The following HMOX2 variants were observed in gnomAD, a reference collection of about 807,000 sequenced individuals.
HMOX2 encodes the protein heme oxygenase (decycling) 2.
In HMOX2, 30 loss-of-function variants were observed where a neutral mutation model predicts 33.7. The observed-to-expected ratio is 0.89, with a 90% CI of 0.67 to 1.21. The LOEUF is 1.21. Among genes scored for constraint, HMOX2 ranks in the 50% most tolerant of loss-of-function variants. HMOX2 has a pLI of 0.00. For synonymous variants in HMOX2, 155 were observed against 155.0 expected (o/e 1.00, Z 0.00); for missense variants, 403 against 399.1 (o/e 1.01, Z -0.08).
chr16:4,498,874 A>G (rs1333975189), intron 1 of HMOX2, among the ~76,000 whole-genome samples: 1 of 152,134 alleles, frequency 6.6e-6, no homozygotes, highest in Non-Finnish European at 1.5e-5. Flanking sequence ...TGGCTTCTTC[A>G]GGGTGTTGAG....
chr16:4,506,796 TG>T, intron 2 of HMOX2, 98 bp from the exon 3 acceptor site: 1 of 804,258 alleles, frequency 1.2e-6, no homozygotes, highest in Non-Finnish European at 2.2e-6. Context: ...GTACAACAGG[TG>T]GTCACCTTGG....
chr16:4,493,693 T>G (rs974392838), intron 1 of HMOX2, among the ~76,000 whole-genome samples: 8 of 152,324 alleles, frequency 5.3e-5, no homozygotes, highest in Non-Finnish European at 1.2e-4. Context: ...GTGCCTACTA[T>G]GGCTCAGGCT....
intron 1 of HMOX2, among the ~76,000 whole-genome samples, chr16:4,490,813 A>T (rs1283966051): frequency 6.6e-6 from 1 of 151,980 alleles, no homozygotes; most frequent in Non-Finnish European, 1.5e-5. Flanking sequence ...GGGGTATTAG[A>T]CTCATGTCCT....
chr16:4,506,757 G>C lies in HMOX2; in HGVS notation c.87-138G>C, dbSNP rs17878340. ...ACAAGTTGCTGCTATTTGTGTTGGAGTGAAGTGTCTGAGAAGCCCCAGCCT... is the reference window on the plus strand; with the variant it reads ...ACAAGTTGCTGCTATTTGTGTTGGACTGAAGTGTCTGAGAAGCCCCAGCCT... On this transcript the variant is annotated intron_variant, in intron 2 of 5. Coordinates refer to ENST00000570646, the MANE Select transcript of HMOX2 (RefSeq NM_002134.4). The C allele has an allele frequency of 8.7e-5, 59 of 674,598 alleles. No individual in the cohort carries two copies. In the African/African-American group the frequency reaches 9.8e-4, roughly 11 times the overall value. 41.8% of individuals were successfully genotyped at this position (674,598 alleles called of 1,614,324 possible). A position where few individuals can be genotyped will look rare whatever the true frequency, so the allele number is the denominator to read the frequency against.
rs140785119 is a variant in HMOX2 at position 4,507,002 on chromosome 16, A to G, written c.194A>G (p.Glu65Gly). ...TTCTTGAAAGGCAACATTAAGAAGG[A>G]GCTGTTTAAGGTTTGTGCCCCGCAT... ...KDFLKGNIKK[E>G]LFKLATTALY... is the part of the protein sequence containing the mutation. The change falls in exon 3 of 6, where the codon GAG (glutamate) becomes GGG (glycine). Residue 65 changes from glutamate to glycine, a missense_variant. Physicochemically the swap from Glu to Gly is moderately conservative, Grantham distance 98 (BLOSUM62 -2). Coordinates refer to ENST00000570646, the MANE Select transcript of HMOX2 (RefSeq NM_002134.4). 613 of 1,605,146 alleles carry G rather than the reference A, an allele frequency of 3.8e-4. No homozygotes were observed. The highest frequency in any genetic ancestry group is 5.2e-4 in the Non-Finnish European group (605 of 1,172,030).
At chr16:4,476,821 T>C (rs1237683240) in intron 1 of HMOX2, among the ~76,000 whole-genome samples, 1 of 152,158 alleles carries the variant, frequency 6.6e-6, no homozygotes, top group Admixed American at 6.5e-5. Flanking sequence ...TCTCCCAGCG[T>C]CACGGCTATG....
chr16:4,477,654 C>T (rs1235294260), intron 1 of HMOX2, among the ~76,000 whole-genome samples: 1 of 151,880 alleles, frequency 6.6e-6, no homozygotes, highest in Non-Finnish European at 1.5e-5. Flanking sequence ...TGCAGTGGCT[C>T]ACTCCTGTAA....
upstream of HMOX2, chr16:4,475,958 GT>G (rs1264054247): frequency 6.6e-6 from 1 of 152,196 alleles, no homozygotes; most frequent in African/African-American, 2.4e-5. Flanking sequence ...AAATCATTCT[GT>G]CATTCTGGCC....
In HMOX2 at chr16:4,490,695, T is replaced by G. The variant is rs2058283340; in HGVS notation, c.-42+14208T>G. 2.0e-5 allele frequency among the ~76,000 whole-genome samples: 3 copies of G among 152,186 alleles called. No individual in the cohort carries two copies. In the South Asian group the frequency reaches 6.2e-4, roughly 32 times the overall value. On this transcript the variant is annotated intron_variant, in intron 1 of 5. Transcript: ENST00000570646. ...GCAGTGCCAAGCTGCCTCTAATAGC[T>G]TCTTCTGTTTTTTTGGTGGAAATTC...
At chr16:4,491,384 C>T (rs973031953) in intron 1 of HMOX2, among the ~76,000 whole-genome samples, 5 of 152,066 alleles carry the variant, frequency 3.3e-5, no homozygotes, top group Admixed American at 6.6e-5. Flanking sequence ...GCACTATGGC[C>T]CACTCCTGTA....
At chr16:4,479,734 T>C in intron 1 of HMOX2, among the ~76,000 whole-genome samples, 1 of 23,696 alleles carries the variant, frequency 4.2e-5, no homozygotes, top group East Asian at 1.6e-3. Context: ...CTATTTTTTT[T>C]TTTTTTTTTT....
chr16:4,501,758 G>GA (rs1192187002), intron 1 of HMOX2, among the ~76,000 whole-genome samples: 13 of 151,476 alleles, frequency 8.6e-5, no homozygotes, highest in African/African-American at 3.2e-4. Context: ...TTCAGAAAGT[G>GA]AAAAAAAATT....
In HMOX2 at chr16:4,476,428, G is replaced by A. The variant is rs563023765; in HGVS notation, c.-101G>A. The A allele has an allele frequency of 1.3e-5, 2 of 152,390 alleles. No individual in the cohort carries two copies. Among genetic ancestry groups the A allele is most frequent in the African/African-American group, 4.8e-5 (2 of 41,592 alleles). The allele number at this position is 152,390 out of a possible 1,614,324, so 9.4% of individuals were successfully genotyped here. A position where few individuals can be genotyped will look rare whatever the true frequency, so the allele number is the denominator to read the frequency against. ...GCTGCAGGGACTGCGGCGCCTGAGG[G>A]AGTCGCTGACGGGCACGCTGACTGG... On this transcript the variant is annotated 5_prime_UTR_variant, in exon 1 of 6. Coordinates refer to ENST00000570646, the MANE Select transcript of HMOX2 (RefSeq NM_002134.4).
Position 4,499,309 on chromosome 16 carries a change from TG to T in HMOX2, c.-41-6173del, listed in dbSNP as rs775279745. Among the ~76,000 whole-genome samples, 3 of 152,248 alleles carry T rather than the reference TG, an allele frequency of 2.0e-5. No homozygotes were observed. In the East Asian group the frequency reaches 5.8e-4, roughly 29 times the overall value. ...TTTAAAAGCTGGTATTTATGCACGA[TG>T]GAATACTACTCAACCATAAACAAGA... On this transcript the variant is annotated intron_variant, in intron 1 of 5. Coordinates refer to ENST00000570646, the MANE Select transcript of HMOX2 (RefSeq NM_002134.4).
intron 4 of HMOX2, 84 bp from the exon 5 acceptor site, chr16:4,509,328 A>C: frequency 3.9e-5 from 55 of 1,413,384 alleles, no homozygotes; most frequent in Non-Finnish European, 4.8e-5. Flanking sequence ...TGGGCAACAG[A>C]GACCTCATCT....
At chr16:4,498,862 T>C (rs1189015749) in intron 1 of HMOX2, among the ~76,000 whole-genome samples, 2 of 152,214 alleles carry the variant, frequency 1.3e-5, no homozygotes, top group Non-Finnish European at 2.9e-5. Flanking sequence ...TTCTAGATGA[T>C]GTGGCTTCTT....
At chr16:4,477,939 T>G (rs1396384326) in intron 1 of HMOX2, among the ~76,000 whole-genome samples, 1 of 151,934 alleles carries the variant, frequency 6.6e-6, no homozygotes, top group Admixed American at 6.6e-5. Flanking sequence ...AAAAAATAAA[T>G]TATCACAAGA....
intron 1 of HMOX2, among the ~76,000 whole-genome samples, chr16:4,493,161 G>C (rs1367242738): frequency 6.6e-6 from 1 of 152,016 alleles, no homozygotes; most frequent in Non-Finnish European, 1.5e-5. Flanking sequence ...AGCCTCCTAA[G>C]TGGATGTGAC....
chr16:4,484,574 C>T (rs757890892), intron 1 of HMOX2, among the ~76,000 whole-genome samples: 1 of 151,160 alleles, frequency 6.6e-6, no homozygotes, highest in Non-Finnish European at 1.5e-5. Context: ...GATTCTCCTG[C>T]CTCAGCCTCC....
Sources: gnomAD v4.1 joint callset for allele counts (sites outside exome capture counted in the v4.1 genomes callset) on GRCh38, gnomAD v4.1.1 for gene constraint, MANE v1.5 for transcripts, NCBI Gene and HGNC (gene_info 2026-07-23, HGNC 2026-07-21) for gene names.